Variants in CSMD3 observed in about 807,000 individuals in gnomAD.
CSMD3 encodes the protein CUB and Sushi multiple domains 3.
Under a neutral mutation model 435.2 loss-of-function variants are expected in CSMD3, and 177 were observed. That is an observed-to-expected ratio of 0.41 (90% CI 0.36 to 0.46). CSMD3 has a LOEUF of 0.46. Ranked by LOEUF, CSMD3 falls within the 20% of genes least tolerant of loss-of-function variation. The pLI, the probability that CSMD3 is intolerant of heterozygous loss-of-function variation, is 0.34. For missense variants in CSMD3, 4,265 were observed against 4,504.6 expected (o/e 0.95, Z 1.52); for synonymous variants, 1,656 against 1,520.5 (o/e 1.09, Z -2.07).
intron 1 of CSMD3, among the ~76,000 whole-genome samples, chr8:113,323,681 C>T (rs1268387197): frequency 1.3e-5 from 2 of 152,166 alleles, no homozygotes; most frequent in Admixed American, 6.5e-5. Context: ...ATTTTATTCA[C>T]ATGTTCTTTC....
intron 13 of CSMD3, among the ~76,000 whole-genome samples, chr8:112,776,624 AAGACATATTGTG>A (rs2078252784): frequency 6.6e-6 from 1 of 151,764 alleles, no homozygotes; most frequent in Admixed American, 6.6e-5. Context: ...AAATTGCCTT[AAGACATATTGTG>A]AGCAGCAAGT....
At chr8:112,230,132 G>T (rs912536245) in intron 69 of CSMD3, among the ~76,000 whole-genome samples, 15 of 152,110 alleles carry the variant, frequency 9.9e-5, no homozygotes, top group Admixed American at 1.3e-4. Flanking sequence ...GAGGGAAAAA[G>T]AAATACCAGT....
chr8:112,244,365 G>T, intron 65 of CSMD3, 29 bp downstream of exon 65: 2 of 1,570,672 alleles, frequency 1.3e-6, no homozygotes, highest in Non-Finnish European at 1.8e-6. Context: ...AATCTCTTGT[G>T]TTAAAAAGAT....
At chr8:113,171,068 A>T (rs1345310627) in intron 4 of CSMD3, among the ~76,000 whole-genome samples, 1 of 151,794 alleles carries the variant, frequency 6.6e-6, no homozygotes, top group African/African-American at 2.4e-5. Context: ...AGGACATTTG[A>T]TATTATTCCA....
chr8:113,204,001 T>C (rs531331299), intron 3 of CSMD3, among the ~76,000 whole-genome samples: 2 of 152,268 alleles, frequency 1.3e-5, no homozygotes, highest in South Asian at 4.1e-4. Flanking sequence ...AGTAAACCTC[T>C]ATTTCCCCCC....
intron 1 of CSMD3, among the ~76,000 whole-genome samples, chr8:113,413,444 G>C (rs1395795900): frequency 6.6e-6 from 1 of 151,882 alleles, no homozygotes; most frequent in Admixed American, 6.6e-5. Context: ...AGAAAGTCAA[G>C]GTATTTAAAA....
chr8:113,345,869 C>A (rs531900462), intron 1 of CSMD3, among the ~76,000 whole-genome samples: 1 of 152,128 alleles, frequency 6.6e-6, no homozygotes, highest in South Asian at 2.1e-4. Context: ...AATTCACACA[C>A]CCCGGCTCCA....
chr8:112,843,315 G>T (rs2080232165), intron 11 of CSMD3, among the ~76,000 whole-genome samples: 1 of 151,776 alleles, frequency 6.6e-6, no homozygotes, highest in African/African-American at 2.4e-5. Flanking sequence ...CATAAAAGAG[G>T]CAGCATTAAG....
At chr8:112,402,556 G>A (rs528710430) in intron 35 of CSMD3, among the ~76,000 whole-genome samples, 45 of 152,068 alleles carry the variant, frequency 3.0e-4, no homozygotes, top group Non-Finnish European at 5.1e-4. Flanking sequence ...TAGATTATAT[G>A]AAACTAAATG....
intron 5 of CSMD3, among the ~76,000 whole-genome samples, chr8:113,061,681 C>T (rs1201570201): frequency 6.6e-6 from 1 of 151,672 alleles, no homozygotes; most frequent in Non-Finnish European, 1.5e-5. Context: ...ATTTATATCC[C>T]TAGAATTATA....
chr8:112,254,369 A>G, intron 62 of CSMD3, 43 bp from the exon 63 acceptor site: 1 of 1,292,720 alleles, frequency 7.7e-7, no homozygotes, highest in Non-Finnish European at 1.1e-6. Context: ...TAAAATTTAC[A>G]ATAGATATAG....
intron 7 of CSMD3, among the ~76,000 whole-genome samples, chr8:112,956,736 T>G (rs1271417116): frequency 6.6e-6 from 1 of 152,140 alleles, no homozygotes; most frequent in Non-Finnish European, 1.5e-5. Flanking sequence ...AGGGGACAGA[T>G]TAGCATGCCT....
intron 64 of CSMD3, 70 bp from the exon 65 acceptor site, chr8:112,244,643 C>A (rs1459042844): frequency 8.6e-7 from 1 of 1,165,210 alleles, no homozygotes; most frequent in Non-Finnish European, 1.3e-6. Flanking sequence ...ACAGGAGTCA[C>A]AATATATTTC....
intron 3 of CSMD3, among the ~76,000 whole-genome samples, chr8:113,258,294 C>A (rs2132340319): frequency 6.6e-6 from 1 of 152,300 alleles, no homozygotes; most frequent in East Asian, 1.9e-4. Flanking sequence ...AGAGTATTTT[C>A]ATCTTTATAA....
intron 1 of CSMD3, among the ~76,000 whole-genome samples, chr8:113,330,781 G>GA (rs1171337847): frequency 6.6e-6 from 1 of 151,692 alleles, no homozygotes; most frequent in East Asian, 1.9e-4. Context: ...AAAATACATG[G>GA]AAAAAATGGC....
At chr8:112,899,348 T>C (rs1402596758) in intron 10 of CSMD3, among the ~76,000 whole-genome samples, 2 of 150,612 alleles carry the variant, frequency 1.3e-5, no homozygotes, top group African/African-American at 4.9e-5. Flanking sequence ...ACTGTGAAAT[T>C]ATCATATTGG....
At chr8:112,783,727 T>G (rs993263427) in intron 13 of CSMD3, among the ~76,000 whole-genome samples, 1 of 151,318 alleles carries the variant, frequency 6.6e-6, no homozygotes, top group African/African-American at 2.4e-5. Flanking sequence ...ACACATGGAC[T>G]GAAAATACAT....
intron 13 of CSMD3, among the ~76,000 whole-genome samples, chr8:112,792,999 T>C (rs902498131): frequency 1.3e-5 from 2 of 151,654 alleles, no homozygotes; most frequent in African/African-American, 4.8e-5. Context: ...TTATCAATCA[T>C]ATAAGGACAA....
At chr8:112,398,818 A>G (rs947194682) in intron 35 of CSMD3, among the ~76,000 whole-genome samples, 1 of 152,118 alleles carries the variant, frequency 6.6e-6, no homozygotes, top group Non-Finnish European at 1.5e-5. Flanking sequence ...TTCTGTTTAG[A>G]TGGCTAACTA....
Sources: allele counts gnomAD v4.1 joint callset (sites outside exome capture counted in the v4.1 genomes callset), GRCh38; gene constraint gnomAD v4.1.1; transcripts MANE v1.5; gene names NCBI Gene and HGNC (gene_info 2026-07-23, HGNC 2026-07-21).